CACNA2D3: variants seen among roughly 807,000 people sequenced by gnomAD.
CACNA2D3 encodes the protein calcium voltage-gated channel auxiliary subunit alpha2delta 3.
CACNA2D3 carries 60 observed loss-of-function variants against 160.6 expected under a neutral mutation model. The observed-to-expected ratio is 0.37, with a 90% CI of 0.30 to 0.46. The LOEUF (loss-of-function observed/expected upper bound fraction) is 0.46, where lower values mean the gene tolerates loss of function less well. CACNA2D3 is among the 20% of genes least tolerant of loss of function. The probability of loss-of-function intolerance (pLI) is 1.00; values close to 1 mark genes in which losing one functional copy is unlikely to be tolerated. For missense variants in CACNA2D3, 1,205 were observed against 1,365.0 expected, an observed-to-expected ratio of 0.88 and a Z score of 1.85; for synonymous variants, 558 against 492.9, an observed-to-expected ratio of 1.13 and a Z score of -1.75.
chr3:54,919,286 A>C (rs6787401), intron 27 of CACNA2D3, among the ~76,000 whole-genome samples: 20 of 152,366 alleles, frequency 1.3e-4, no homozygotes, highest in South Asian at 1.0e-3. Context: ...CTTTTGTACC[A>C]GATTCCCATT....
chr3:54,379,389 A>T (rs71301877), intron 3 of CACNA2D3, among the ~76,000 whole-genome samples: 4,247 of 152,352 alleles, frequency 0.028, 93 homozygotes, highest in Non-Finnish European at 0.042. Context: ...TTGGTGATTT[A>T]TATGTGCCAT....
chr3:54,613,834 A>G (rs957860147), intron 9 of CACNA2D3, among the ~76,000 whole-genome samples: 3 of 152,082 alleles, frequency 2.0e-5, no homozygotes, highest in African/African-American at 7.2e-5. Context: ...ACCTACAAAC[A>G]CTATTTCTCC....
chr3:54,910,189 T>A (rs1199952418), intron 27 of CACNA2D3, among the ~76,000 whole-genome samples: 1 of 152,166 alleles, frequency 6.6e-6, no homozygotes, highest in Non-Finnish European at 1.5e-5. Flanking sequence ...AGTAGGTAAT[T>A]GTCTTTCAAA....
At chr3:54,898,537 A>G (rs1700252551) in intron 26 of CACNA2D3, among the ~76,000 whole-genome samples, 1 of 152,172 alleles carries the variant, frequency 6.6e-6, no homozygotes, top group South Asian at 2.1e-4. Flanking sequence ...TGTCTGCACC[A>G]CACTTTGTTG....
intron 5 of CACNA2D3, among the ~76,000 whole-genome samples, chr3:54,558,822 A>C (rs1702279809): frequency 1.3e-5 from 2 of 152,148 alleles, no homozygotes; most frequent in South Asian, 4.1e-4. Context: ...CCCATTTTAC[A>C]AATAAGGAAA....
At chr3:54,625,521 T>C (rs1376853590) in intron 9 of CACNA2D3, among the ~76,000 whole-genome samples, 3 of 151,812 alleles carry the variant, frequency 2.0e-5, no homozygotes, top group Non-Finnish European at 2.9e-5. Flanking sequence ...CCAGGCAGGC[T>C]TCAATAATGG....
chr3:54,327,094 T>C (rs1559450782), intron 3 of CACNA2D3, among the ~76,000 whole-genome samples: 1 of 152,220 alleles, frequency 6.6e-6, no homozygotes, highest in African/African-American at 2.4e-5. Flanking sequence ...CTTTGGTTAA[T>C]GGCTGAGAAC....
chr3:54,856,388 G>C (rs1247843189), intron 17 of CACNA2D3, among the ~76,000 whole-genome samples: 1 of 152,120 alleles, frequency 6.6e-6, no homozygotes, highest in African/African-American at 2.4e-5. Flanking sequence ...AGGCCTTTCA[G>C]ATAACATGGA....
intron 5 of CACNA2D3, among the ~76,000 whole-genome samples, chr3:54,540,482 T>C (rs1701954690): frequency 6.6e-6 from 1 of 152,220 alleles, no homozygotes; most frequent in Admixed American, 6.5e-5. Context: ...TTTCATCTGC[T>C]AATGTTGTCT....
intron 27 of CACNA2D3, among the ~76,000 whole-genome samples, chr3:54,913,008 G>T (rs902749285): frequency 6.6e-6 from 1 of 152,072 alleles, no homozygotes; most frequent in Non-Finnish European, 1.5e-5. Context: ...ATCAGCATAG[G>T]ATGGGCTGTA....
intron 9 of CACNA2D3, among the ~76,000 whole-genome samples, chr3:54,622,413 C>T (rs1314569048): frequency 1.3e-5 from 2 of 152,128 alleles, no homozygotes; most frequent in Admixed American, 6.5e-5. Flanking sequence ...GTAGCTGGGA[C>T]TACAGGCGCC....
chr3:54,595,423 G>T (rs895980980), intron 9 of CACNA2D3, among the ~76,000 whole-genome samples: 24 of 152,050 alleles, frequency 1.6e-4, no homozygotes, highest in African/African-American at 5.3e-4. Context: ...GACTAATCAA[G>T]TGAAAAGCTG....
At chr3:54,185,098 T>C (rs148665061) in intron 2 of CACNA2D3, among the ~76,000 whole-genome samples, 15 of 152,348 alleles carry the variant, frequency 9.8e-5, no homozygotes, top group Non-Finnish European at 1.9e-4. Flanking sequence ...AGGATAGTAA[T>C]GAACCCATTG....
chr3:54,524,637 A>C (rs556682666), intron 5 of CACNA2D3, among the ~76,000 whole-genome samples: 14 of 151,702 alleles, frequency 9.2e-5, no homozygotes, highest in African/African-American at 3.1e-4. Flanking sequence ...CATCTCTGTC[A>C]GTTTTTACTT....
intron 2 of CACNA2D3, among the ~76,000 whole-genome samples, chr3:54,299,292 C>G (rs918002992): frequency 6.6e-6 from 1 of 152,148 alleles, no homozygotes; most frequent in African/African-American, 2.4e-5. Context: ...CCACACCACA[C>G]TCCTGGTCCA....
chr3:54,205,715 G>T (rs1192459783), intron 2 of CACNA2D3, among the ~76,000 whole-genome samples: 1 of 152,150 alleles, frequency 6.6e-6, no homozygotes, highest in Non-Finnish European at 1.5e-5. Context: ...AAAAAGAGTT[G>T]AAAGTAGTCC....
chr3:54,787,255 G>T (rs1039563415), intron 13 of CACNA2D3, among the ~76,000 whole-genome samples: 3 of 152,072 alleles, frequency 2.0e-5, no homozygotes, highest in African/African-American at 7.2e-5. Flanking sequence ...TGATTCTGTT[G>T]GTGTAAACCA....
intron 2 of CACNA2D3, among the ~76,000 whole-genome samples, chr3:54,285,151 G>T (rs553423915): frequency 2.6e-5 from 4 of 152,182 alleles, no homozygotes; most frequent in Non-Finnish European, 4.4e-5. Flanking sequence ...CTCGGGAAGC[G>T]CAAGGGGTCA....
At chr3:54,785,690 G>A (rs1400787576) in intron 13 of CACNA2D3, among the ~76,000 whole-genome samples, 3 of 152,222 alleles carry the variant, frequency 2.0e-5, no homozygotes, top group Admixed American at 6.5e-5. Context: ...AGAAATGTCA[G>A]TGACTAGGAG....
Sources: gnomAD v4.1 joint callset for allele counts (sites outside exome capture counted in the v4.1 genomes callset) on GRCh38, gnomAD v4.1.1 for gene constraint, MANE v1.5 for transcripts, NCBI Gene and HGNC (gene_info 2026-07-23, HGNC 2026-07-21) for gene names.